Variants in DOCK9 observed in about 807,000 individuals in gnomAD.
DOCK9 encodes the protein dedicator of cytokinesis 9.
A neutral mutation model predicts 263.3 loss-of-function variants in DOCK9; 89 were observed. The observed-to-expected ratio is 0.34, with a 90% CI of 0.28 to 0.40. DOCK9 has a LOEUF of 0.40. Among genes scored for constraint, DOCK9 ranks in the 10% least tolerant of loss-of-function variants. The pLI is 1.00. For missense variants in DOCK9, 2,140 were observed against 2,603.4 expected (o/e 0.82, Z 3.87); for synonymous variants, 976 against 973.1 (o/e 1.00, Z -0.06).
chr13:98,932,407 CA>C (rs1255889778), intron 2 of DOCK9, among the ~76,000 whole-genome samples: 7 of 13,976 alleles, frequency 5.0e-4, no homozygotes, highest in African/African-American at 1.3e-3. Flanking sequence ...AAAACAACAA[CA>C]AACAAACAAA....
rs1209180923 is a variant in DOCK9, at chr13:98,825,478, A to G, written c.5024-974T>C. On this transcript the variant is annotated intron_variant, in intron 44 of 52. Transcript: ENST00000682017. The surrounding 1 kb of genome is among the most constrained non-coding windows in gnomAD (Gnocchi z 4.1). ...GCTGCACATGATCCCAGGTTTCTAC[A>G]CTATTCATGGATTATCCAGCATCTG... 6.6e-6 allele frequency among the ~76,000 whole-genome samples: 1 copy of G among 152,186 alleles called. No individual in the cohort carries two copies. The highest frequency in any genetic ancestry group is 1.5e-5 in the Non-Finnish European group (1 of 68,032).
intron 1 of DOCK9, among the ~76,000 whole-genome samples, chr13:99,066,025 C>T (rs2041399614): frequency 6.6e-6 from 1 of 152,184 alleles, no homozygotes; most frequent in South Asian, 2.1e-4. Context: ...CAAATAAATA[C>T]TTGCTCATTT....
chr13:98,943,659 T>C (rs986708786), intron 2 of DOCK9, among the ~76,000 whole-genome samples: 5 of 152,230 alleles, frequency 3.3e-5, no homozygotes, highest in Admixed American at 6.5e-5. Flanking sequence ...ATTTGTGTAA[T>C]ACCTATTAAG....
At chr13:98,896,390 C>T (rs901198562) in intron 15 of DOCK9, among the ~76,000 whole-genome samples, 3 of 151,048 alleles carry the variant, frequency 2.0e-5, no homozygotes, top group African/African-American at 7.3e-5. Context: ...ATTCCTACTA[C>T]TGAAGACAGA....
chr13:99,026,078 A>AC, intron 1 of DOCK9, among the ~76,000 whole-genome samples: 1 of 43,004 alleles, frequency 2.3e-5, no homozygotes, highest in East Asian at 9.2e-4. Flanking sequence ...CTCCGTCTCA[A>AC]AAAAAAAAAA....
intron 45 of DOCK9, among the ~76,000 whole-genome samples, chr13:98,822,988 G>A (rs2092359688): frequency 6.6e-6 from 1 of 151,986 alleles, no homozygotes; most frequent in Admixed American, 6.6e-5. Context: ...CAAAGTTTAT[G>A]TGACTGTTCT....
At chr13:98,982,349 C>G (rs1877409255), upstream of DOCK9, among the ~76,000 whole-genome samples, 4 of 152,208 alleles carry the variant, frequency 2.6e-5, no homozygotes, top group Non-Finnish European at 5.9e-5. Context: ...GAAGGAGTGA[C>G]TCTCTCTGTA....
At chr13:98,883,392 CA>C (rs1172774334) in intron 22 of DOCK9, among the ~76,000 whole-genome samples, 1 of 152,158 alleles carries the variant, frequency 6.6e-6, no homozygotes, top group African/African-American at 2.4e-5. Context: ...GGACTACAGG[CA>C]CACATCACCA....
intron 45 of DOCK9, among the ~76,000 whole-genome samples, chr13:98,811,134 T>G (rs1398211171): frequency 2.0e-5 from 3 of 152,268 alleles, no homozygotes; most frequent in Non-Finnish European, 4.4e-5. Context: ...GTTAAAGGTT[T>G]GGATTGATTG....
chr13:98,885,678 A>G (rs750986474), intron 20 of DOCK9, 30 bp downstream of exon 20: 2 of 1,575,864 alleles, frequency 1.3e-6, no homozygotes, highest in Non-Finnish European at 1.7e-6. Flanking sequence ...TCAATTATTT[A>G]AAATCAAAGG....
At chr13:98,814,967 A>ACAT (rs56032685) in intron 45 of DOCK9, among the ~76,000 whole-genome samples, 2 of 149,474 alleles carry the variant, frequency 1.3e-5, no homozygotes, top group African/African-American at 4.9e-5. Context: ...AAATAAAATA[A>ACAT]AATAAAATAA....
intron 43 of DOCK9, among the ~76,000 whole-genome samples, chr13:98,827,640 G>A (rs1347202437): frequency 6.6e-6 from 1 of 152,220 alleles, no homozygotes; most frequent in Admixed American, 6.5e-5. Context: ...TTAGCAGCGT[G>A]GCATGCACTC....
In DOCK9 at chr13:98,925,932, G is replaced by A; in HGVS notation, c.334-13C>T. ...AGGTTTTGATGCACTATTGAAGGGG[G>A]ATTTTAAAAATAGAAAATAAAAAAC... On this transcript the variant is annotated splice_polypyrimidine_tract_variant and intron_variant, in intron 3 of 52. Coordinates refer to ENST00000682017, the MANE Select transcript of DOCK9 (RefSeq NM_001366683.2). 6 of 1,531,088 alleles carry A rather than the reference G, an allele frequency of 3.9e-6. No individual in the cohort carries two copies. The highest frequency in any genetic ancestry group is 5.3e-6 in the Non-Finnish European group (6 of 1,138,782). The allele number at this position is 1,531,088 out of a possible 1,614,324, so 94.8% of individuals were successfully genotyped here.
chr13:98,974,727 G>T (rs1331499831), intron 1 of DOCK9, among the ~76,000 whole-genome samples: 6 of 108,574 alleles, frequency 5.5e-5, no homozygotes, highest in African/African-American at 2.2e-4. Context: ...TCCAGCCTGG[G>T]CAACAAGAGC....
intron 1 of DOCK9, among the ~76,000 whole-genome samples, chr13:99,040,060 A>G (rs1888306266): frequency 6.6e-6 from 1 of 152,178 alleles, no homozygotes; most frequent in African/African-American, 2.4e-5. Flanking sequence ...CTAATCCTCA[A>G]TGTAATATTT....
At chr13:98,830,861 A>G (rs1432140730) in intron 41 of DOCK9, among the ~76,000 whole-genome samples, 2 of 152,240 alleles carry the variant, frequency 1.3e-5, no homozygotes, top group Admixed American at 1.3e-4. Flanking sequence ...AGAGATGGAA[A>G]AGGGACACCT....
At chr13:98,990,820 C>T (rs1451605849) in intron 1 of DOCK9, among the ~76,000 whole-genome samples, 2 of 152,192 alleles carry the variant, frequency 1.3e-5, no homozygotes, top group Non-Finnish European at 2.9e-5. Context: ...CAGCACTTAT[C>T]ACAAAAGAGA....
intron 35 of DOCK9, among the ~76,000 whole-genome samples, chr13:98,850,847 A>AG (rs2093547834): frequency 6.6e-6 from 1 of 152,186 alleles, no homozygotes; most frequent in Non-Finnish European, 1.5e-5. Context: ...CCATCGTTTG[A>AG]GTTCTATCAT....
At chr13:99,015,092 C>G (rs1885180399) in intron 1 of DOCK9, among the ~76,000 whole-genome samples, 1 of 152,142 alleles carries the variant, frequency 6.6e-6, no homozygotes, top group Admixed American at 6.5e-5. Flanking sequence ...CTAAATAATT[C>G]ACTATAACTG....
Sources: allele counts gnomAD v4.1 joint callset (sites outside exome capture counted in the v4.1 genomes callset), GRCh38; gene constraint gnomAD v4.1.1; non-coding constraint Gnocchi (gnomAD v3.1); transcripts MANE v1.5; gene names NCBI Gene and HGNC (gene_info 2026-07-23, HGNC 2026-07-21).